TLR7: variants seen among roughly 807,000 people sequenced by gnomAD.
TLR7 encodes the protein toll-like receptor 7.
TLR7 carries 12 observed loss-of-function variants against 38.3 expected under a neutral mutation model. The ratio of observed to expected loss-of-function variants is 0.31; its 90% CI spans 0.20 to 0.51. The LOEUF is 0.51. Ranked by LOEUF, TLR7 falls within the 20% of genes least tolerant of loss-of-function variation. The pLI is 0.98. For synonymous variants in TLR7, 285 were observed against 293.8 expected, an observed-to-expected ratio of 0.97 and a Z score of 0.31; for missense variants, 504 against 743.4, an observed-to-expected ratio of 0.68 and a Z score of 3.74.
At chrX:12,881,228 A>AAATAATAATAATAATAAT (rs61216010) in intron 2 of TLR7, among the ~76,000 whole-genome samples, 3 of 98,777 alleles carry the variant, frequency 3.0e-5, no homozygotes, top group African/African-American at 1.1e-4. Flanking sequence ...ACTCAGTCTC[A>AAATAATAATAATAATAAT]AATAATAATA....
In TLR7 at chrX:12,887,089, T is replaced by C; in HGVS notation, c.1581T>C (p.Asn527=). Reference sequence around the variant, plus strand: ...TCAAATGCCTGAATCTGTCAGGAAATCTCATTAGCCAAACTCTTAATGGCA... The same window carrying C: ...TCAAATGCCTGAATCTGTCAGGAAACCTCATTAGCCAAACTCTTAATGGCA... The part of the protein sequence containing the change: ...SFLKCLNLSG[N]LISQTLNGSE... The change falls in exon 3 of 3, where the codon AAT becomes AAC. Residue 527 remains asparagine (N), a synonymous_variant. Transcript: ENST00000380659. 1.7e-6 allele frequency: 2 copies of C among 1,210,837 alleles called. No individual in the cohort carries two copies. Among genetic ancestry groups the C allele is most frequent in the Non-Finnish European group, 2.2e-6 (2 of 895,127 alleles).
chrX:12,867,315 G>A (rs1398310346), intron 1 of TLR7, among the ~76,000 whole-genome samples, 166 bp from the exon 2 acceptor site: 1 of 112,319 alleles, frequency 8.9e-6, no homozygotes, highest in African/African-American at 3.2e-5. Context: ...AGTAACGTTA[G>A]AAATGGTTTT....
At chrX:12,882,184 G>C (rs1226097303) in intron 2 of TLR7, among the ~76,000 whole-genome samples, 1 of 111,951 alleles carries the variant, frequency 8.9e-6, no homozygotes, top group African/African-American at 3.3e-5. Flanking sequence ...GCTGAAGTCA[G>C]AACACCCTTG....
At chrX:12,884,473 G>A (rs1282445908) in intron 2 of TLR7, among the ~76,000 whole-genome samples, 3 of 112,120 alleles carry the variant, frequency 2.7e-5, no homozygotes, top group Non-Finnish European at 5.6e-5. Flanking sequence ...GCCAGTCCAC[G>A]GTTAAAGCAT....
chrX:12,877,217 C>T (rs1489560336), intron 2 of TLR7, among the ~76,000 whole-genome samples: 1 of 111,108 alleles, frequency 9.0e-6, no homozygotes, highest in Non-Finnish European at 1.9e-5. Flanking sequence ...GCACTTTGTT[C>T]ATTTGTTTAG....
In TLR7 at chrX:12,887,596, G is replaced by A. The variant is rs1487605590; in HGVS notation, c.2088G>A (p.Gln696=). 1.7e-6 allele frequency: 2 copies of A among 1,210,272 alleles called. No homozygotes were observed. Among genetic ancestry groups the A allele is most frequent in the East Asian group, 3.0e-5 (1 of 33,853 alleles). The change falls in exon 3 of 3, where the codon CAG becomes CAA. Residue 696 remains glutamine, a synonymous_variant. Coordinates refer to ENST00000380659, the MANE Select transcript of TLR7 (RefSeq NM_016562.4). ...AATCTTTCAGTTGGAAGAAACTCCAGTGTCTAAAGAACCTGGAAACTTTGG... is the reference window on the plus strand; with the variant it reads ...AATCTTTCAGTTGGAAGAAACTCCAATGTCTAAAGAACCTGGAAACTTTGG... ...GLKSFSWKKL[Q]CLKNLETLDL...
Position 12,887,186 on chromosome X carries a change from A to G in TLR7, c.1678A>G (p.Thr560Ala). The change falls in exon 3 of 3, where the codon ACA (threonine) becomes GCA (alanine). Residue 560 changes from threonine to alanine, a missense_variant. Transcript: ENST00000380659. Reference protein sequence around the residue: ...SNNRLDLLHSTAFEELHKLEV... With the variant: ...SNNRLDLLHSAAFEELHKLEV... Reference sequence around the variant, plus strand: ...CAACCGGCTTGATTTACTCCATTCAACAGCATTTGAAGAGCTTCACAAACT... The same window carrying G: ...CAACCGGCTTGATTTACTCCATTCAGCAGCATTTGAAGAGCTTCACAAACT... 8.3e-7 allele frequency: 1 copy of G among 1,211,908 alleles called. No homozygotes were observed. Among genetic ancestry groups the G allele is most frequent in the Non-Finnish European group, 1.1e-6 (1 of 895,558 alleles).
At chrX:12,879,752 T>C (rs747837933) in intron 2 of TLR7, among the ~76,000 whole-genome samples, 2 of 112,147 alleles carry the variant, frequency 1.8e-5, no homozygotes, top group East Asian at 5.6e-4. Flanking sequence ...CTTAGTCATA[T>C]AGCCACACTT....
chrX:12,880,523 A>G (rs1274813980), intron 2 of TLR7, among the ~76,000 whole-genome samples: 1 of 111,943 alleles, frequency 8.9e-6, no homozygotes, highest in Non-Finnish European at 1.9e-5. Context: ...AGCTTCTTAA[A>G]CCTTTTCCCC....
intron 2 of TLR7, among the ~76,000 whole-genome samples, chrX:12,880,112 T>G (rs2042886173): frequency 9.0e-6 from 1 of 111,696 alleles, no homozygotes; most frequent in Non-Finnish European, 1.9e-5. Context: ...GATTTTGAGC[T>G]CCTTAAGGGC....
intron 2 of TLR7, among the ~76,000 whole-genome samples, chrX:12,867,824 A>G (rs2042838975): frequency 8.9e-6 from 1 of 112,550 alleles, no homozygotes; most frequent in African/African-American, 3.2e-5. Flanking sequence ...GGAGGAGCAG[A>G]TGTTTGAATT....
Position 12,888,899 on chromosome X carries a change from C to G in TLR7, c.*241C>G, listed in dbSNP as rs2042920754. ...TTTGCACTTGAGTCTCTCACCTCAG[C>G]TCCTGTAAAAGAGTGGCAAGTAAAA... On this transcript the variant is annotated 3_prime_UTR_variant, in exon 3 of 3. Transcript: ENST00000380659. 3.3e-6 allele frequency: 1 copy of G among 302,352 alleles called. No individual in the cohort carries two copies. The highest frequency in any genetic ancestry group is 2.7e-5 in the African/African-American group (1 of 36,533). The allele number at this position is 302,352 out of a possible 1,213,427, so 24.9% of individuals were successfully genotyped here. A position where few individuals can be genotyped will look rare whatever the true frequency, so the allele number is the denominator to read the frequency against.
intron 2 of TLR7, among the ~76,000 whole-genome samples, chrX:12,881,192 A>G (rs1431017797): frequency 9.2e-6 from 1 of 108,205 alleles, no homozygotes; most frequent in Non-Finnish European, 1.9e-5. Flanking sequence ...ATGCCATTGC[A>G]CTCCAGCCTG....
chrX:12,867,872 A>G lies in TLR7; in HGVS notation c.3+291A>G, dbSNP rs1315712036. Among the ~76,000 whole-genome samples, 3 of 112,606 alleles carry G rather than the reference A, an allele frequency of 2.7e-5. No homozygotes were observed. In the Admixed American group the frequency reaches 2.8e-4, roughly 11 times the overall value. ...TCTATGTATCTCATTTCTTCAGCCT[A>G]CAATTTTGGCTTTAAAGCCATAACA... On this transcript the variant is annotated intron_variant, in intron 2 of 2. Coordinates refer to ENST00000380659, the MANE Select transcript of TLR7 (RefSeq NM_016562.4).
At chrX:12,874,018 T>A (rs1912120663) in intron 2 of TLR7, among the ~76,000 whole-genome samples, 1 of 112,583 alleles carries the variant, frequency 8.9e-6, no homozygotes, top group African/African-American at 3.2e-5. Flanking sequence ...AGCAAAATAG[T>A]TTTATCTAAA....
At chrX:12,869,626 T>C (rs1028612628) in intron 2 of TLR7, among the ~76,000 whole-genome samples, 4 of 110,366 alleles carry the variant, frequency 3.6e-5, no homozygotes, top group African/African-American at 1.3e-4. Context: ...GGTAAAAAGC[T>C]AATGCATGCT....
chrX:12,877,796 A>T (rs931871703), intron 2 of TLR7, among the ~76,000 whole-genome samples: 2 of 110,835 alleles, frequency 1.8e-5, no homozygotes, highest in Non-Finnish European at 3.8e-5. Context: ...CCCCACTTCA[A>T]TCCTTCCTTC....
Position 12,888,211 on chromosome X carries a change from C to T in TLR7, c.2703C>T (p.Asp901=). The T allele has an allele frequency of 1.7e-6, 2 of 1,211,390 alleles. No homozygotes were observed. The highest frequency in any genetic ancestry group is 1.7e-5 in the African/African-American group (1 of 57,697). The change falls in exon 3 of 3, where the codon GAC becomes GAT. Residue 901 remains aspartate, a synonymous_variant. Transcript: ENST00000380659. ...CTTTTATTGTGTATGACACTAAAGA[C>T]CCAGCTGTGACCGAGTGGGTTTTGG... The part of the protein sequence containing the change: ...YDAFIVYDTK[D]PAVTEWVLAE...
intron 2 of TLR7, among the ~76,000 whole-genome samples, chrX:12,869,068 A>G (rs1286065318): frequency 9.0e-6 from 1 of 111,684 alleles, no homozygotes; most frequent in Non-Finnish European, 1.9e-5. Flanking sequence ...TTGAGAGGTT[A>G]AGGAGCTTGG....
Sources: allele counts gnomAD v4.1 joint callset (sites outside exome capture counted in the v4.1 genomes callset), GRCh38; gene constraint gnomAD v4.1.1; transcripts MANE v1.5; gene names NCBI Gene and HGNC (gene_info 2026-07-23, HGNC 2026-07-21).